The following RAI14 variants were observed in gnomAD, a reference collection of about 807,000 sequenced individuals.
RAI14 encodes ankycorbin.
Under a neutral mutation model 115.4 loss-of-function variants are expected in RAI14, and 45 were observed. The ratio of observed to expected loss-of-function variants is 0.39; its 90% CI spans 0.31 to 0.50. The LOEUF (loss-of-function observed/expected upper bound fraction) is 0.50. Among genes scored for constraint, RAI14 ranks in the 20% least tolerant of loss-of-function variants. The pLI, the probability that RAI14 is intolerant of heterozygous loss-of-function variation, is 0.85. For missense variants in RAI14, 939 were observed against 1,131.2 expected (o/e 0.83, Z 2.44); for synonymous variants, 371 against 415.4 (o/e 0.89, Z 1.30).
intron 3 of RAI14, among the ~76,000 whole-genome samples, chr5:34,767,620 C>A (rs1749586888): frequency 6.8e-6 from 1 of 146,666 alleles, no homozygotes; most frequent in African/African-American, 2.5e-5. Context: ...CCCCCACCAC[C>A]CCCCACCCCA....
intron 2 of RAI14, chr5:34,688,345 A>G: frequency 8.0e-7 from 1 of 1,250,058 alleles, no homozygotes; most frequent in Non-Finnish European, 1.1e-6. Flanking sequence ...AAGGGAATCT[A>G]GGTAGCTTTC....
chr5:34,788,230 T>C (rs536815459), intron 3 of RAI14, among the ~76,000 whole-genome samples: 1 of 152,100 alleles, frequency 6.6e-6, no homozygotes. Flanking sequence ...ACTACTGATA[T>C]TTTGGTTTGG....
At chr5:34,759,049 G>A (rs1430519528) in intron 3 of RAI14, among the ~76,000 whole-genome samples, 1 of 152,128 alleles carries the variant, frequency 6.6e-6, no homozygotes, top group Non-Finnish European at 1.5e-5. Context: ...AATCACTTGA[G>A]GTCAGGAGTT....
chr5:34,791,719 G>A lies in RAI14; in HGVS notation c.168-4220G>A, dbSNP rs1752936908. On this transcript the variant is annotated intron_variant, in intron 3 of 17. Coordinates refer to ENST00000265109, the MANE Select transcript of RAI14 (RefSeq NM_015577.3). The surrounding 1 kb of genome is among the most constrained non-coding windows in gnomAD (Gnocchi z 5.4). ...TGGCCAGATTAGGGGAAACCAGTAAGGTTGGGAATGCCGCCCAGGATTCTA... is the reference window on the plus strand; with the variant it reads ...TGGCCAGATTAGGGGAAACCAGTAAAGTTGGGAATGCCGCCCAGGATTCTA... Among the ~76,000 whole-genome samples the A allele has an allele frequency of 6.6e-6, 1 of 152,178 alleles. No individual in the cohort carries two copies. Among genetic ancestry groups the A allele is most frequent in the South Asian group, 2.1e-4 (1 of 4,830 alleles).
At chr5:34,733,082 T>C (rs968745689) in intron 2 of RAI14, 1 of 152,146 alleles carries the variant, frequency 6.6e-6, no homozygotes, top group Middle Eastern at 3.2e-3. Flanking sequence ...AGAAAAAAGA[T>C]TGTTTTATTA....
At chr5:34,742,576 G>A (rs1745645974) in intron 2 of RAI14, among the ~76,000 whole-genome samples, 1 of 152,064 alleles carries the variant, frequency 6.6e-6, no homozygotes, top group Admixed American at 6.6e-5. Context: ...ACATAGAGAG[G>A]TAGATTTAAA....
chr5:34,674,594 T>G (rs999351232), intron 1 of RAI14, among the ~76,000 whole-genome samples: 1 of 151,068 alleles, frequency 6.6e-6, no homozygotes, highest in Non-Finnish European at 1.5e-5. Flanking sequence ...TTGTTTTTTT[T>G]TTTTTTTTGA....
intron 3 of RAI14, among the ~76,000 whole-genome samples, chr5:34,785,111 C>A (rs762430246): frequency 8.5e-5 from 13 of 152,162 alleles, no homozygotes; most frequent in African/African-American, 2.4e-4. Context: ...AGCTATGTGT[C>A]CTTTTCCTAA....
At chr5:34,676,702 A>T (rs1255516752) in intron 1 of RAI14, among the ~76,000 whole-genome samples, 1 of 152,214 alleles carries the variant, frequency 6.6e-6, no homozygotes, top group Admixed American at 6.5e-5. Context: ...TCAAAGGAGA[A>T]TGATATATTT....
intron 12 of RAI14, 39 bp downstream of exon 12, chr5:34,814,708 A>G (rs762978934): frequency 2.8e-6 from 4 of 1,436,756 alleles, no homozygotes; most frequent in Non-Finnish European, 3.9e-6. Context: ...ACTGTATTTT[A>G]AGATACATGA....
chr5:34,718,641 G>A (rs113990289), intron 2 of RAI14, among the ~76,000 whole-genome samples: 177 of 152,334 alleles, frequency 1.2e-3, no homozygotes, highest in African/African-American at 4.2e-3. Context: ...GATCTACTGG[G>A]AGAATCAAAA....
intron 1 of RAI14, among the ~76,000 whole-genome samples, chr5:34,666,267 A>G (rs1395418043): frequency 6.6e-6 from 1 of 152,052 alleles, no homozygotes; most frequent in African/African-American, 2.4e-5. Flanking sequence ...AACCCCTGAC[A>G]GTACTCCTAG....
chr5:34,804,020 T>G (rs1171615567), intron 5 of RAI14, among the ~76,000 whole-genome samples: 1 of 152,162 alleles, frequency 6.6e-6, no homozygotes, highest in African/African-American at 2.4e-5. Context: ...ATCTAGCCTT[T>G]TTCTCCCCTT....
chr5:34,800,146 C>T (rs62355737), intron 4 of RAI14, among the ~76,000 whole-genome samples: 61,680 of 152,022 alleles, frequency 0.41, 12,956 homozygotes, highest in Admixed American at 0.53. Context: ...TAGATTGATA[C>T]TACTTAATTC....
intron 3 of RAI14, among the ~76,000 whole-genome samples, chr5:34,788,708 G>A (rs1561364927): frequency 6.6e-6 from 1 of 152,192 alleles, no homozygotes; most frequent in South Asian, 2.1e-4. Flanking sequence ...GGTGGCTCAC[G>A]CCTGTAATCC....
At chr5:34,807,324 A>T (rs1037505387) in intron 5 of RAI14, among the ~76,000 whole-genome samples, 4 of 152,108 alleles carry the variant, frequency 2.6e-5, no homozygotes, top group African/African-American at 9.7e-5. Flanking sequence ...GTCATTGGAA[A>T]CATGAAGGTT....
At chr5:34,830,318 G>T (rs1257208252) in intron 17 of RAI14, among the ~76,000 whole-genome samples, 1 of 152,146 alleles carries the variant, frequency 6.6e-6, no homozygotes, top group Admixed American at 6.5e-5. Context: ...GGGATGATGT[G>T]GTCCTCCACT....
At chr5:34,771,072 T>C (rs762663422) in intron 3 of RAI14, among the ~76,000 whole-genome samples, 1 of 152,144 alleles carries the variant, frequency 6.6e-6, no homozygotes, top group Non-Finnish European at 1.5e-5. Context: ...GAAATGAAGA[T>C]TTTTTAAAAG....
chr5:34,738,868 G>A (rs1470059844), intron 2 of RAI14, among the ~76,000 whole-genome samples: 2 of 152,132 alleles, frequency 1.3e-5, no homozygotes, highest in Non-Finnish European at 2.9e-5. Context: ...ATGGGACATC[G>A]ATACATTGCT....
Sources: gnomAD v4.1 joint callset for allele counts (sites outside exome capture counted in the v4.1 genomes callset) on GRCh38, gnomAD v4.1.1 for gene constraint, Gnocchi (gnomAD v3.1) non-coding constraint, MANE v1.5 for transcripts, NCBI Gene and HGNC (gene_info 2026-07-23, HGNC 2026-07-21) for gene names.